CDK5RAP2: variants seen among roughly 807,000 people sequenced by gnomAD.
CDK5RAP2 encodes the protein CDK5 regulatory subunit-associated protein 2.
Under a neutral mutation model 232.9 loss-of-function variants are expected in CDK5RAP2, and 147 were observed. The observed-to-expected ratio is 0.63, with a 90% CI of 0.55 to 0.72. CDK5RAP2 has a LOEUF of 0.72. CDK5RAP2 is among the 30% of genes least tolerant of loss of function. The probability of loss-of-function intolerance (pLI) is 0.00; values close to 1 mark genes in which losing one functional copy is unlikely to be tolerated. For missense variants in CDK5RAP2, 2,195 were observed against 2,231.5 expected, an observed-to-expected ratio of 0.98 and a Z score of 0.33; for synonymous variants, 833 against 833.7, an observed-to-expected ratio of 1.00 and a Z score of 0.01.
intron 10 of CDK5RAP2, 108 bp downstream of exon 10, chr9:120,527,698 C>T: frequency 7.9e-7 from 1 of 1,265,578 alleles, no homozygotes; most frequent in South Asian, 1.3e-5. Context: ...TTCTATACTA[C>T]CTCAGCTCTC....
At chr9:120,398,373 T>C (rs550376842) in intron 35 of CDK5RAP2, among the ~76,000 whole-genome samples, 15 of 152,226 alleles carry the variant, frequency 9.9e-5, no homozygotes, top group Non-Finnish European at 1.8e-4. Flanking sequence ...AATATCAATA[T>C]TACTACTAAA....
Position 120,534,610 on chromosome 9 carries a change from G to A in CDK5RAP2, c.662+1762C>T, listed in dbSNP as rs139378160. 3.7e-4 allele frequency among the ~76,000 whole-genome samples: 57 copies of A among 152,298 alleles called. No individual in the cohort carries two copies. In the East Asian group the frequency reaches 0.01, roughly 27 times the overall value. Reference sequence around the variant, plus strand: ...ATATTTTTTGAATAAAAGGCATAAAGATCCAATAGAACCAATTAACTGACT... The same window carrying A: ...ATATTTTTTGAATAAAAGGCATAAAAATCCAATAGAACCAATTAACTGACT... On this transcript the variant is annotated intron_variant, in intron 7 of 37. Transcript: ENST00000349780.
At chr9:120,526,444 C>T (rs1204346310) in intron 10 of CDK5RAP2, among the ~76,000 whole-genome samples, 1 of 152,142 alleles carries the variant, frequency 6.6e-6, no homozygotes, top group Non-Finnish European at 1.5e-5. Flanking sequence ...CTCTGAAGTC[C>T]TACATCTAAT....
chr9:120,545,863 CT>C (rs1273296058), intron 4 of CDK5RAP2, 73 bp from the exon 5 acceptor site: 1 of 1,165,616 alleles, frequency 8.6e-7, no homozygotes, highest in Non-Finnish European at 1.3e-6. Flanking sequence ...AATGGGGAAA[CT>C]GCTTCCAGCA....
At chr9:120,471,936 A>T in intron 15 of CDK5RAP2, 58 bp from the exon 16 acceptor site, 1 of 1,606,058 alleles carries the variant, frequency 6.2e-7, no homozygotes, top group Non-Finnish European at 8.5e-7. Context: ...TTTTAGATGC[A>T]AAGCCCAGAA....
At chr9:120,524,305 G>A (rs550798672) in intron 11 of CDK5RAP2, among the ~76,000 whole-genome samples, 1 of 152,264 alleles carries the variant, frequency 6.6e-6, no homozygotes, top group African/African-American at 2.4e-5. Flanking sequence ...CTTGCTAACT[G>A]TGTGACAGTG....
At chr9:120,515,687 C>A (rs2040303363) in intron 12 of CDK5RAP2, among the ~76,000 whole-genome samples, 1 of 152,190 alleles carries the variant, frequency 6.6e-6, no homozygotes, top group Admixed American at 6.5e-5. Flanking sequence ...CAGGTGCCAA[C>A]CCCATCAAAA....
In CDK5RAP2 at chr9:120,404,016, C is replaced by A. The variant is rs745336111; in HGVS notation, c.5041+20G>T. The A allele has an allele frequency of 3.2e-6, 5 of 1,562,640 alleles. No individual in the cohort carries two copies. The highest frequency in any genetic ancestry group is 1.1e-5 in the South Asian group (1 of 90,034). On this transcript the variant is annotated intron_variant, in intron 33 of 37. Transcript: ENST00000349780. ...GTCACATCCAATGCTCCCACAGTTA[C>A]CTGGACTTCAGCTTTGTACCTGATT...
At chr9:120,429,431 G>A (rs535476699) in intron 25 of CDK5RAP2, among the ~76,000 whole-genome samples, 62 of 152,256 alleles carry the variant, frequency 4.1e-4, no homozygotes, top group Middle Eastern at 3.4e-3. Flanking sequence ...CAAAATCGAT[G>A]TACAAAAATC....
At chr9:120,480,309 T>G (rs1442288565) in intron 14 of CDK5RAP2, among the ~76,000 whole-genome samples, 1 of 152,134 alleles carries the variant, frequency 6.6e-6, no homozygotes, top group African/African-American at 2.4e-5. Context: ...GGGAAAAAAA[T>G]TACATCCCTA....
chr9:120,453,368 T>C, intron 21 of CDK5RAP2, 88 bp downstream of exon 21: 1 of 1,239,650 alleles, frequency 8.1e-7, no homozygotes, highest in South Asian at 1.4e-5. Context: ...GTCATATAAA[T>C]GGGAAAAAAG....
rs1229928734 is a variant in CDK5RAP2, at chr9:120,517,824, C to G, written c.1311+603G>C. The G allele has an allele frequency of 8.4e-6, 3 of 358,108 alleles. No homozygotes were observed. In the Admixed American group the frequency reaches 9.4e-5, roughly 11 times the overall value. The allele number at this position is 358,108 out of a possible 1,614,324, so 22.2% of individuals were successfully genotyped here. A position where few individuals can be genotyped will look rare whatever the true frequency, so the allele number is the denominator to read the frequency against. On this transcript the variant is annotated intron_variant, in intron 12 of 37. Transcript: ENST00000349780. ...CCTATAATCCCAGCTACTCAAGAAA[C>G]TGAGGTGGGAGGATCACTTGAGCCC...
Position 120,571,988 on chromosome 9 carries a change from C to T in CDK5RAP2, c.113G>A (p.Gly38Glu), listed in dbSNP as rs1360212599. The change falls in exon 2 of 38, where the codon GGG becomes GAG. Residue 38 changes from glycine to glutamate, a missense_variant. Physicochemically the swap from Gly to Glu is moderately conservative, Grantham distance 98. Coordinates refer to ENST00000349780, the MANE Select transcript of CDK5RAP2 (RefSeq NM_018249.6). Reference sequence around the variant, plus strand: ...TGTGTACTTACGACCATTTCCCAACCCAGCATTGGGGTTGATGCCATCCAG... The same window carrying T: ...TGTGTACTTACGACCATTTCCCAACTCAGCATTGGGGTTGATGCCATCCAG... ...DDLDGINPNA[G>E]LGNGLLPNVS... 6.2e-7 allele frequency: 1 copy of T among 1,613,862 alleles called. No individual in the cohort carries two copies. The highest frequency in any genetic ancestry group is 1.1e-5 in the South Asian group (1 of 91,082).
rs1295033035 is a variant in CDK5RAP2, at chr9:120,478,461, A to G, written c.1627-1011T>C. ...AATAAATTCCAGAGATGTAATATAC[A>G]GCATGATGACTATATGTAACAATAC... On this transcript the variant is annotated intron_variant, in intron 14 of 37. Coordinates refer to ENST00000349780, the MANE Select transcript of CDK5RAP2 (RefSeq NM_018249.6). 2.0e-5 allele frequency among the ~76,000 whole-genome samples: 3 copies of G among 152,218 alleles called. No individual in the cohort carries two copies. The East Asian group carries it at 5.8e-4, about 29-fold the overall frequency.
chr9:120,541,558 AAT>A (rs1452575760), intron 5 of CDK5RAP2, among the ~76,000 whole-genome samples: 3 of 152,264 alleles, frequency 2.0e-5, no homozygotes, highest in Non-Finnish European at 4.4e-5. Context: ...TACTTGCAAC[AAT>A]ATGACTGCTT....
chr9:120,460,747 T>C (rs1409356596), intron 18 of CDK5RAP2, 80 bp from the exon 19 acceptor site: 1 of 1,573,296 alleles, frequency 6.4e-7, no homozygotes, highest in Admixed American at 1.9e-5. Flanking sequence ...GTCAGTGATG[T>C]CTTTTTTTTT....
intron 3 of CDK5RAP2, among the ~76,000 whole-genome samples, chr9:120,560,622 CTCT>C (rs2042427671): frequency 6.6e-6 from 1 of 152,058 alleles, no homozygotes; most frequent in African/African-American, 2.4e-5. Flanking sequence ...GTGGTATTGT[CTCT>C]TTTTTTTTGA....
intron 8 of CDK5RAP2, 97 bp downstream of exon 8, chr9:120,529,881 C>T: frequency 1.7e-6 from 2 of 1,161,958 alleles, no homozygotes; most frequent in Non-Finnish European, 2.6e-6. Flanking sequence ...TAGAAGCAGG[C>T]TGTGTGTGAA....
Position 120,448,122 on chromosome 9 carries a change from G to A in CDK5RAP2, c.2798C>T (p.Ala933Val). 6 of 1,612,358 alleles carry A rather than the reference G, an allele frequency of 3.7e-6. No individual in the cohort carries two copies. The highest frequency in any genetic ancestry group is 5.1e-6 in the Non-Finnish European group (6 of 1,178,386). Residue 933 changes from alanine (A) to valine (V), a missense_variant, in exon 22 of 38, where the codon GCT becomes GTT. Ala to Val is a moderately conservative substitution (Grantham distance 64). Transcript: ENST00000349780. ...TAGGATTGGCAAGCGGGACTTCTTA[G>A]CCTCCTGAAAACACACATATGCAAC... ...LSLPGITNRE[A>V]KKSRLPILIK...
Sources: allele counts gnomAD v4.1 joint callset (sites outside exome capture counted in the v4.1 genomes callset), GRCh38; gene constraint gnomAD v4.1.1; transcripts MANE v1.5; gene names NCBI Gene and HGNC (gene_info 2026-07-23, HGNC 2026-07-21).